Variants in EREG observed in about 807,000 individuals in gnomAD.
EREG encodes epiregulin.
EREG carries 23 observed loss-of-function variants against 22.4 expected under a neutral mutation model. That is an observed-to-expected ratio of 1.03 (90% CI 0.74 to 1.46). The LOEUF (loss-of-function observed/expected upper bound fraction) is 1.46, where lower values mean the gene tolerates loss of function less well. EREG is among the 40% of genes most tolerant of loss of function. The pLI, the probability that EREG is intolerant of heterozygous loss-of-function variation, is 0.00. For synonymous variants in EREG, 100 were observed against 75.4 expected (o/e 1.33, Z -1.69); for missense variants, 226 against 205.9 (o/e 1.10, Z -0.60).
rs2110390857 is a variant in EREG at position 74,385,647 on chromosome 4, T to A, written c.*839T>A. The A allele has an allele frequency of 2.9e-6, 1 of 346,732 alleles. No homozygotes were observed. Among genetic ancestry groups the A allele is most frequent in the Admixed American group, 4.8e-5 (1 of 20,926 alleles). The allele number at this position is 346,732 out of a possible 1,614,324, so 21.5% of individuals were successfully genotyped here. ...AAAAAGTCCACACTTGAAGCCTAAA[T>A]TTGTGCTTTTTAAGAATATTTTTAG... On this transcript the variant is annotated 3_prime_UTR_variant, in exon 5 of 5. Coordinates refer to ENST00000244869, the MANE Select transcript of EREG (RefSeq NM_001432.3).
intron 3 of EREG, 62 bp downstream of exon 3, chr4:74,381,199 C>T (rs1452022843): frequency 2.7e-6 from 4 of 1,460,736 alleles, no homozygotes; most frequent in Admixed American, 1.8e-5. Flanking sequence ...TTTAGGGGTA[C>T]AAGTGCAGAT....
chr4:74,379,442 A>G lies in EREG; in HGVS notation c.68-6A>G. The G allele has an allele frequency of 6.3e-7, 1 of 1,577,506 alleles. No individual in the cohort carries two copies. Among genetic ancestry groups the G allele is most frequent in the Non-Finnish European group, 8.7e-7 (1 of 1,147,454 alleles). The stretch of plus-strand genomic sequence containing the variant: ...AGTTATATATTCGATTTTTCTTCAT[A>G]AATAGGTTTCCATCTTCTACAGGCA... On this transcript the variant is annotated splice_polypyrimidine_tract_variant and splice_region_variant and intron_variant, in intron 1 of 4. Transcript: ENST00000244869.
intron 1 of EREG, among the ~76,000 whole-genome samples, chr4:74,373,060 C>T (rs1019131701): frequency 1.3e-5 from 2 of 149,420 alleles, no homozygotes; most frequent in Non-Finnish European, 3.0e-5. Flanking sequence ...CATGATCCAC[C>T]AGCCTCAGCC....
rs768661443 is a variant in EREG, at chr4:74,365,345, G to C, written c.37G>C (p.Gly13Arg). 1.5e-5 allele frequency: 24 copies of C among 1,609,800 alleles called. No homozygotes were observed. ...AGRRMEMLCA[G>R]RVPALLLCLG... Reference sequence around the variant, plus strand: ...GAGGAGGATGGAGATGCTCTGTGCCGGCAGGGTCCCTGCGCTGCTGCTCTG... The same window carrying C: ...GAGGAGGATGGAGATGCTCTGTGCCCGCAGGGTCCCTGCGCTGCTGCTCTG... The change falls in exon 1 of 5, where the codon GGC (glycine) becomes CGC (arginine). Residue 13 changes from glycine to arginine, a missense_variant. By Grantham distance (125) the Gly-to-Arg change is moderately radical. Transcript: ENST00000244869.
chr4:74,379,618 T>G (rs750427842), intron 2 of EREG, 84 bp downstream of exon 2: 6 of 817,126 alleles, frequency 7.3e-6, no homozygotes, highest in Non-Finnish European at 1.2e-5. Flanking sequence ...AAGTATGTGA[T>G]AATTTTTTAA....
rs2110391933 is a variant in EREG, at chr4:74,387,799, A to G, written c.*2991A>G. ...CCACAAATGCATAAATGCATAATTT[A>G]TGGTCTTCAACCAAGGCCACATAAT... On this transcript the variant is annotated 3_prime_UTR_variant, in exon 5 of 5. Coordinates refer to ENST00000244869, the MANE Select transcript of EREG (RefSeq NM_001432.3). 1 of 152,344 alleles carries G rather than the reference A, an allele frequency of 6.6e-6. No individual in the cohort carries two copies. Among genetic ancestry groups the G allele is most frequent in the South Asian group, 2.1e-4 (1 of 4,828 alleles). 9.4% of individuals were successfully genotyped at this position (152,344 alleles called of 1,614,324 possible).
Position 74,370,270 on chromosome 4 carries a change from C to G in EREG, c.67+4895C>G, listed in dbSNP as rs940855024. On this transcript the variant is annotated intron_variant, in intron 1 of 4. Coordinates refer to ENST00000244869, the MANE Select transcript of EREG (RefSeq NM_001432.3). Reference sequence around the variant, plus strand: ...TCACACTGTAAGTGTGTGTATAACTCTATCCCTCCTTGCTGGTGCTATAGT... The same window carrying G: ...TCACACTGTAAGTGTGTGTATAACTGTATCCCTCCTTGCTGGTGCTATAGT... 2.6e-5 allele frequency among the ~76,000 whole-genome samples: 4 copies of G among 152,310 alleles called. No homozygotes were observed. The South Asian group carries it at 8.3e-4, about 32-fold the overall frequency.
chr4:74,383,984 C>T (rs1166950400), intron 4 of EREG, among the ~76,000 whole-genome samples: 5 of 152,128 alleles, frequency 3.3e-5, no homozygotes, highest in Non-Finnish European at 7.4e-5. Context: ...CATATTCTTA[C>T]AGTAAACATA....
Position 74,387,266 on chromosome 4 carries a change from G to A in EREG, c.*2458G>A, listed in dbSNP as rs1752584402. The A allele has an allele frequency of 6.6e-6, 1 of 151,956 alleles. No homozygotes were observed. The highest frequency in any genetic ancestry group is 6.6e-5 in the Admixed American group (1 of 15,250). 9.4% of individuals were successfully genotyped at this position (151,956 alleles called of 1,614,324 possible). On this transcript the variant is annotated 3_prime_UTR_variant, in exon 5 of 5. Transcript: ENST00000244869. ...CCCCTGTGGATACCAAGGTACAACT[G>A]TATTTATTAACGCTTACTAGATGTG...
chr4:74,369,234 G>A (rs932387400), intron 1 of EREG, among the ~76,000 whole-genome samples: 50 of 151,956 alleles, frequency 3.3e-4, no homozygotes, highest in African/African-American at 1.2e-3. Flanking sequence ...TGAGATTTTA[G>A]TGCGCCTATC....
chr4:74,382,656 G>C lies in EREG; in HGVS notation c.290G>C (p.Gly97Ala). The C allele has an allele frequency of 6.2e-7, 1 of 1,606,620 alleles. No individual in the cohort carries two copies. The highest frequency in any genetic ancestry group is 1.3e-5 in the African/African-American group (1 of 74,526). Residue 97 changes from glycine to alanine, a missense_variant, in exon 4 of 5, where the codon GGT (glycine) becomes GCT (alanine). Transcript: ENST00000244869. ...GTATTTTCCTTCAGGTGTGAAGTGG[G>C]TTATACTGGTGTCCGATGTGAACAC... is the stretch of plus-strand genomic sequence containing the variant. ...MSQNYCRCEV[G>A]YTGVRCEHFF...
rs1221334588 is a variant in EREG, at chr4:74,365,293, C to T, written c.-16C>T. The stretch of plus-strand genomic sequence containing the variant: ...AGCCGCCCTCCGCCAAGCCCCAGCG[C>T]CCGCTCCCATCGCCGATGACCGCGG... On this transcript the variant is annotated 5_prime_UTR_variant, in exon 1 of 5. Transcript: ENST00000244869. 2 of 1,600,162 alleles carry T rather than the reference C, an allele frequency of 1.2e-6. No homozygotes were observed. Among genetic ancestry groups the T allele is most frequent in the East Asian group, 2.2e-5 (1 of 44,856 alleles).
rs763197664 is a variant in EREG at position 74,381,107 on chromosome 4, A to C, written c.248A>C (p.Tyr83Ser). 8.1e-6 allele frequency: 13 copies of C among 1,613,274 alleles called. No homozygotes were observed. Among genetic ancestry groups the C allele is most frequent in the East Asian group, 2.2e-5 (1 of 44,848 alleles). The change falls in exon 3 of 5, where the codon TAT (tyrosine) becomes TCT (serine). Residue 83 changes from tyrosine (Y) to serine (S), a missense_variant. Coordinates refer to ENST00000244869, the MANE Select transcript of EREG (RefSeq NM_001432.3). ...TATTGTTTGCATGGACAGTGCATCT[A>C]TCTGGTGGACATGAGTCAAAACTAC... ...NGYCLHGQCIYLVDMSQNYCR... is the reference protein window; with the variant it reads ...NGYCLHGQCISLVDMSQNYCR...
chr4:74,382,659 A>G lies in EREG; in HGVS notation c.293A>G (p.Tyr98Cys). 6.2e-7 allele frequency: 1 copy of G among 1,608,436 alleles called. No homozygotes were observed. The highest frequency in any genetic ancestry group is 8.5e-7 in the Non-Finnish European group (1 of 1,177,972). Residue 98 changes from tyrosine (Y) to cysteine (C), a missense_variant, in exon 4 of 5, where the codon TAT (tyrosine) becomes TGT (cysteine). Coordinates refer to ENST00000244869, the MANE Select transcript of EREG (RefSeq NM_001432.3). ...TTTTCCTTCAGGTGTGAAGTGGGTT[A>G]TACTGGTGTCCGATGTGAACACTTC... Reference protein sequence around the residue: ...SQNYCRCEVGYTGVRCEHFFL... With the variant: ...SQNYCRCEVGCTGVRCEHFFL...
intron 1 of EREG, among the ~76,000 whole-genome samples, chr4:74,376,408 C>G (rs1316719326): frequency 6.6e-6 from 1 of 152,216 alleles, no homozygotes; most frequent in Non-Finnish European, 1.5e-5. Context: ...GCAACTAAAA[C>G]TCCAATTTGT....
intron 1 of EREG, among the ~76,000 whole-genome samples, chr4:74,375,458 A>G (rs1323039561): frequency 6.7e-6 from 1 of 149,522 alleles, no homozygotes; most frequent in African/African-American, 2.5e-5. Flanking sequence ...AGCTGGGACT[A>G]CAGGCGCCCG....
chr4:74,385,071 C>T lies in EREG; in HGVS notation c.*263C>T. 2 of 332,588 alleles carry T rather than the reference C, an allele frequency of 6.0e-6. No individual in the cohort carries two copies. The allele number at this position is 332,588 out of a possible 1,614,324, so 20.6% of individuals were successfully genotyped here. A position where few individuals can be genotyped will look rare whatever the true frequency, so the allele number is the denominator to read the frequency against. Reference sequence around the variant, plus strand: ...GAGCTAAATGCTTCATTGAAAGCTTCAAAGTTTATATGCCTGGTGCACAGT... The same window carrying T: ...GAGCTAAATGCTTCATTGAAAGCTTTAAAGTTTATATGCCTGGTGCACAGT... On this transcript the variant is annotated 3_prime_UTR_variant, in exon 5 of 5. Transcript: ENST00000244869.
intron 1 of EREG, among the ~76,000 whole-genome samples, chr4:74,368,795 G>T (rs1752243531): frequency 6.6e-6 from 1 of 152,190 alleles, no homozygotes; most frequent in Admixed American, 6.5e-5. Context: ...TGTAACTGCT[G>T]CTGGGAACAT....
chr4:74,375,094 T>C (rs1261077463), intron 1 of EREG, among the ~76,000 whole-genome samples: 1 of 152,126 alleles, frequency 6.6e-6, no homozygotes, highest in Non-Finnish European at 1.5e-5. Flanking sequence ...ATAGATACTA[T>C]CTAAAATATT....
Sources: gnomAD v4.1 joint callset for allele counts (sites outside exome capture counted in the v4.1 genomes callset) on GRCh38, gnomAD v4.1.1 for gene constraint, MANE v1.5 for transcripts, NCBI Gene and HGNC (gene_info 2026-07-23, HGNC 2026-07-21) for gene names.